Variants in GRIA1 observed in about 807,000 individuals in gnomAD.
The protein encoded by GRIA1 is glutamate ionotropic receptor AMPA type subunit 1.
A neutral mutation model predicts 99.2 loss-of-function variants in GRIA1; 31 were observed. The observed-to-expected ratio is 0.31, with a 90% CI of 0.23 to 0.42. The LOEUF is 0.42. GRIA1 is among the 10% of genes least tolerant of loss of function. GRIA1 has a pLI of 1.00. For synonymous variants in GRIA1, 438 were observed against 432.4 expected (o/e 1.01, Z -0.16); for missense variants, 782 against 1,157.5 (o/e 0.68, Z 4.71).
chr5:153,538,013 A>G (rs753256751), intron 2 of GRIA1, among the ~76,000 whole-genome samples: 8 of 152,168 alleles, frequency 5.3e-5, no homozygotes, highest in Non-Finnish European at 1.2e-4. Context: ...GTGAAAGGCA[A>G]GGAGGAGCTG....
chr5:153,707,839 G>C (rs757463928), intron 11 of GRIA1, among the ~76,000 whole-genome samples: 1 of 152,080 alleles, frequency 6.6e-6, no homozygotes, highest in Non-Finnish European at 1.5e-5. Context: ...GGGCGCGTGG[G>C]AGAGGAGGTG....
intron 2 of GRIA1, among the ~76,000 whole-genome samples, chr5:153,546,997 G>A (rs1279738695): frequency 1.3e-5 from 2 of 152,138 alleles, no homozygotes; most frequent in Non-Finnish European, 2.9e-5. Context: ...TTGAATAAAT[G>A]CATCAGTATG....
chr5:153,642,639 A>G (rs75997459), intron 2 of GRIA1, among the ~76,000 whole-genome samples: 4 of 57,748 alleles, frequency 6.9e-5, no homozygotes, highest in Non-Finnish European at 1.7e-4. Context: ...CTGTTTCAGA[A>G]AAAAAAAAAA....
chr5:153,506,962 A>C (rs561157834), intron 2 of GRIA1, among the ~76,000 whole-genome samples: 73 of 152,034 alleles, frequency 4.8e-4, no homozygotes, highest in Non-Finnish European at 2.1e-4. Context: ...GCCTCTACTA[A>C]AAAATACAAA....
At chr5:153,778,058 G>A (rs564054340) in intron 13 of GRIA1, among the ~76,000 whole-genome samples, 5 of 152,206 alleles carry the variant, frequency 3.3e-5, no homozygotes, top group African/African-American at 1.2e-4. Flanking sequence ...GAGCTGGAGA[G>A]AAAGGAAGAG....
At chr5:153,711,559 C>A (rs1759317316) in intron 11 of GRIA1, among the ~76,000 whole-genome samples, 1 of 152,080 alleles carries the variant, frequency 6.6e-6, no homozygotes, top group African/African-American at 2.4e-5. Flanking sequence ...GTCTACCCAC[C>A]CCATGTTACA....
chr5:153,632,536 C>G (rs1753053075), intron 2 of GRIA1, among the ~76,000 whole-genome samples: 1 of 152,142 alleles, frequency 6.6e-6, no homozygotes, highest in South Asian at 2.1e-4. Flanking sequence ...ATAATAATAT[C>G]CTGTGCAGCC....
chr5:153,806,242 T>A (rs1766417624), intron 15 of GRIA1, among the ~76,000 whole-genome samples: 1 of 152,154 alleles, frequency 6.6e-6, no homozygotes, highest in South Asian at 2.1e-4. Context: ...TTTGGTCCAC[T>A]CTTTTTTTTC....
chr5:153,729,939 A>T (rs1430699462), intron 11 of GRIA1, among the ~76,000 whole-genome samples: 1 of 152,156 alleles, frequency 6.6e-6, no homozygotes, highest in African/African-American at 2.4e-5. Context: ...ATGTGTGAAC[A>T]TACACATGTA....
chr5:153,642,763 A>G (rs916665238), intron 2 of GRIA1, among the ~76,000 whole-genome samples: 2 of 152,190 alleles, frequency 1.3e-5, no homozygotes, highest in Non-Finnish European at 2.9e-5. Context: ...AACCCAGTAC[A>G]CACAGAGTTC....
chr5:153,493,935 A>G lies in GRIA1; in HGVS notation c.90A>G (p.Leu30=), dbSNP rs1754170665. 2 of 1,614,020 alleles carry G rather than the reference A, an allele frequency of 1.2e-6. No individual in the cohort carries two copies. The highest frequency in any genetic ancestry group is 2.2e-5 in the East Asian group (1 of 44,876). The change falls in exon 2 of 16, where the codon TTA becomes TTG. Residue 30 remains leucine (L), a synonymous_variant. Transcript: ENST00000285900. ...NFPNNIQIGG[L]FPNQQSQEHA... ...CATTTTCTTTTCTCATAGGGGGATT[A>G]TTTCCAAACCAGCAGTCACAGGAAC...
At chr5:153,631,995 G>A (rs760471980) in intron 2 of GRIA1, among the ~76,000 whole-genome samples, 4 of 152,284 alleles carry the variant, frequency 2.6e-5, no homozygotes, top group South Asian at 2.1e-4. Context: ...GGTCAACAGC[G>A]CTTAGACAGT....
chr5:153,728,388 C>A (rs1215782061), intron 11 of GRIA1, among the ~76,000 whole-genome samples: 1 of 147,280 alleles, frequency 6.8e-6, no homozygotes, highest in Non-Finnish European at 1.5e-5. Flanking sequence ...CAAATGGGAT[C>A]TAATTAAACT....
chr5:153,784,609 C>T (rs942945665), intron 13 of GRIA1, among the ~76,000 whole-genome samples: 54 of 151,460 alleles, frequency 3.6e-4, no homozygotes, highest in Middle Eastern at 3.4e-3. Context: ...TTAAGGAACC[C>T]GGGGATGTCT....
intron 2 of GRIA1, among the ~76,000 whole-genome samples, chr5:153,591,171 C>T (rs1340803567): frequency 6.6e-6 from 1 of 152,178 alleles, no homozygotes; most frequent in Non-Finnish European, 1.5e-5. Context: ...TATGCAGACT[C>T]CTTCCCATAA....
intron 2 of GRIA1, among the ~76,000 whole-genome samples, chr5:153,622,542 G>T (rs1344277988): frequency 6.6e-6 from 1 of 152,110 alleles, no homozygotes; most frequent in Non-Finnish European, 1.5e-5. Context: ...GGATACCTTT[G>T]CCATGCCTGG....
At chr5:153,524,536 A>G (rs1056977051) in intron 2 of GRIA1, among the ~76,000 whole-genome samples, 9 of 152,206 alleles carry the variant, frequency 5.9e-5, no homozygotes, top group Non-Finnish European at 1.3e-4. Flanking sequence ...GCTTTCCTGC[A>G]TAGCTAACTC....
At chr5:153,724,847 C>A (rs1201887918) in intron 11 of GRIA1, among the ~76,000 whole-genome samples, 3 of 152,184 alleles carry the variant, frequency 2.0e-5, no homozygotes, top group African/African-American at 7.2e-5. Flanking sequence ...AGGAGAACTT[C>A]CCCAATCTAG....
intron 13 of GRIA1, among the ~76,000 whole-genome samples, chr5:153,785,195 A>G (rs1386301173): frequency 6.6e-6 from 1 of 152,158 alleles, no homozygotes. Context: ...TGAACCCTCA[A>G]GCCCCATGGA....
Sources: gnomAD v4.1 joint callset for allele counts (sites outside exome capture counted in the v4.1 genomes callset) on GRCh38, gnomAD v4.1.1 for gene constraint, MANE v1.5 for transcripts, NCBI Gene and HGNC (gene_info 2026-07-23, HGNC 2026-07-21) for gene names.